The following LIMS1 variants were observed in gnomAD, a reference collection of about 807,000 sequenced individuals.
The protein encoded by LIMS1 is LIM zinc finger domain containing 1.
LIMS1 carries 18 observed loss-of-function variants against 44.1 expected under a neutral mutation model. The ratio of observed to expected loss-of-function variants is 0.41; its 90% CI spans 0.28 to 0.61. LIMS1 has a LOEUF of 0.61. Among genes scored for constraint, LIMS1 ranks in the 20% least tolerant of loss-of-function variants. The pLI is 0.32. For missense variants in LIMS1, 201 were observed against 422.0 expected, an observed-to-expected ratio of 0.48 and a Z score of 4.59; for synonymous variants, 93 against 149.1, an observed-to-expected ratio of 0.62 and a Z score of 2.74.
intron 2 of LIMS1, among the ~76,000 whole-genome samples, chr2:108,661,652 T>C (rs1437046495): frequency 6.6e-6 from 1 of 152,112 alleles, no homozygotes; most frequent in Admixed American, 6.6e-5. Context: ...CCCTAGGTGC[T>C]GCGGCAGCAA....
chr2:108,572,611 C>G (rs994551522), intron 1 of LIMS1, among the ~76,000 whole-genome samples: 1 of 152,068 alleles, frequency 6.6e-6, no homozygotes, highest in Admixed American at 6.6e-5. Context: ...GTCTCGAACT[C>G]CTGACCTTGT....
intron 1 of LIMS1, among the ~76,000 whole-genome samples, chr2:108,627,403 T>G (rs1270586432): frequency 7.7e-4 from 42 of 54,538 alleles, no homozygotes; most frequent in East Asian, 0.017. Context: ...CTTTCTGGTT[T>G]TTTTTTTTTT....
intron 1 of LIMS1, among the ~76,000 whole-genome samples, chr2:108,621,779 T>G (rs866272021): frequency 1.3e-5 from 2 of 152,216 alleles, no homozygotes; most frequent in African/African-American, 4.8e-5. Context: ...TCCACTTAGT[T>G]TAAAGAGAGT....
At chr2:108,583,682 A>G (rs994163519) in intron 1 of LIMS1, among the ~76,000 whole-genome samples, 9 of 138,472 alleles carry the variant, frequency 6.5e-5, no homozygotes, top group African/African-American at 2.4e-4. Context: ...TTATCCTGTT[A>G]TTTTGTTGTT....
At chr2:108,628,478 G>A (rs1157813843) in intron 1 of LIMS1, among the ~76,000 whole-genome samples, 1 of 152,194 alleles carries the variant, frequency 6.6e-6, no homozygotes, top group Admixed American at 6.5e-5. Context: ...AATGAAATGA[G>A]CTATGAAAGC....
chr2:108,552,393 A>G (rs1209081567), intron 1 of LIMS1, among the ~76,000 whole-genome samples: 1 of 144,814 alleles, frequency 6.9e-6, no homozygotes, highest in African/African-American at 2.5e-5. Flanking sequence ...GAAACTATAT[A>G]TACTATATAT....
chr2:108,640,303 A>G (rs935380949), intron 1 of LIMS1, among the ~76,000 whole-genome samples: 1 of 152,190 alleles, frequency 6.6e-6, no homozygotes, highest in East Asian at 1.9e-4. Context: ...TGGTTGGTTC[A>G]TGTTAGCAAC....
intron 1 of LIMS1, among the ~76,000 whole-genome samples, chr2:108,551,223 A>G (rs931761512): frequency 2.6e-5 from 4 of 151,300 alleles, no homozygotes; most frequent in African/African-American, 9.7e-5. Flanking sequence ...TTATGTATTT[A>G]TACAGTTGCA....
rs1692507434 is a variant in LIMS1, at chr2:108,675,817, G to A, written c.531-61G>A. 1.3e-5 allele frequency: 20 copies of A among 1,594,284 alleles called. 1 individual carries two copies. Among genetic ancestry groups the A allele is most frequent in the Middle Eastern group, 3.3e-4 (2 of 6,032 alleles). On this transcript the variant is annotated intron_variant, in intron 5 of 9. Transcript: ENST00000544547. ...TAAAAACCTTCTAAAAAGTGTGCTA[G>A]CCCCATTGGTTGGCCACTTTTCTCT...
At chr2:108,591,329 A>G (rs911626156) in intron 1 of LIMS1, among the ~76,000 whole-genome samples, 12 of 152,142 alleles carry the variant, frequency 7.9e-5, no homozygotes, top group Non-Finnish European at 1.5e-4. Flanking sequence ...TGAGCAAATG[A>G]TGCGGTGGGG....
chr2:108,645,558 A>G (rs1281286867), intron 1 of LIMS1, among the ~76,000 whole-genome samples: 1 of 152,226 alleles, frequency 6.6e-6, no homozygotes, highest in Non-Finnish European at 1.5e-5. Flanking sequence ...TGTAAAGACT[A>G]TCAATGCTGT....
At chr2:108,539,333 T>C (rs2104565814) in intron 1 of LIMS1, among the ~76,000 whole-genome samples, 1 of 152,174 alleles carries the variant, frequency 6.6e-6, no homozygotes, top group African/African-American at 2.4e-5. Context: ...GATCCGCCCT[T>C]CTCGGCCTCT....
At chr2:108,557,013 G>T (rs1047769287) in intron 1 of LIMS1, among the ~76,000 whole-genome samples, 1 of 152,080 alleles carries the variant, frequency 6.6e-6, no homozygotes, top group African/African-American at 2.4e-5. Context: ...TCATTTCTGC[G>T]TTCATCCGCC....
chr2:108,677,659 C>A (rs1692663020), intron 7 of LIMS1, among the ~76,000 whole-genome samples: 1 of 152,174 alleles, frequency 6.6e-6, no homozygotes, highest in Non-Finnish European at 1.5e-5. Context: ...TGGTCCTCAG[C>A]GCTCTGCCTG....
chr2:108,567,754 T>C (rs1407317686), intron 1 of LIMS1, among the ~76,000 whole-genome samples: 1 of 152,190 alleles, frequency 6.6e-6, no homozygotes, highest in African/African-American at 2.4e-5. Flanking sequence ...GTATTTTTAG[T>C]AGAGGCGGGG....
intron 1 of LIMS1, chr2:108,607,338 G>A: frequency 7.6e-7 from 1 of 1,315,976 alleles, no homozygotes; most frequent in Non-Finnish European, 1.1e-6. Flanking sequence ...CAGTTGTCTG[G>A]TATCTTCATC....
chr2:108,584,022 A>G (rs933257003), intron 1 of LIMS1, among the ~76,000 whole-genome samples: 3 of 152,048 alleles, frequency 2.0e-5, no homozygotes, highest in Non-Finnish European at 2.9e-5. Flanking sequence ...TGAGACTGAT[A>G]AAGGACAAAA....
intron 1 of LIMS1, among the ~76,000 whole-genome samples, chr2:108,616,291 G>C (rs907485297): frequency 7.0e-6 from 1 of 142,096 alleles, no homozygotes. Flanking sequence ...CTGCAGCCTC[G>C]ACCTTCCAGG....
intron 2 of LIMS1, among the ~76,000 whole-genome samples, chr2:108,667,448 T>G (rs1691837949): frequency 6.6e-6 from 1 of 151,780 alleles, no homozygotes; most frequent in African/African-American, 2.4e-5. Context: ...TGTTCTTGAC[T>G]CCTACCTGTC....
Sources: allele counts gnomAD v4.1 joint callset (sites outside exome capture counted in the v4.1 genomes callset), GRCh38; gene constraint gnomAD v4.1.1; transcripts MANE v1.5; gene names NCBI Gene and HGNC (gene_info 2026-07-23, HGNC 2026-07-21).